Variants in CACNA1E observed in about 807,000 individuals in gnomAD.
The protein encoded by CACNA1E is voltage-dependent R-type calcium channel subunit alpha-1E.
In CACNA1E, 40 loss-of-function variants were observed where a neutral mutation model predicts 259.2. The observed-to-expected ratio is 0.15, with a 90% CI of 0.12 to 0.20. CACNA1E has a LOEUF of 0.20. CACNA1E is among the 10% of genes least tolerant of loss of function. The pLI is 1.00. For missense variants in CACNA1E, 1,874 were observed against 3,040.1 expected, an observed-to-expected ratio of 0.62 and a Z score of 9.02; for synonymous variants, 1,104 against 1,138.5, an observed-to-expected ratio of 0.97 and a Z score of 0.61.
In CACNA1E at chr1:181,772,238, A is replaced by G. The variant is rs1403944885; in HGVS notation, c.5139+7A>G. ...CTTCTTCTGCTCCTTCTTGGTGAGCAACATTGTGCTTTTGCCTTGCTATGT... is the reference window on the plus strand; with the variant it reads ...CTTCTTCTGCTCCTTCTTGGTGAGCGACATTGTGCTTTTGCCTTGCTATGT... On this transcript the variant is annotated splice_region_variant and intron_variant, in intron 37 of 47. Coordinates refer to ENST00000367573, the MANE Select transcript of CACNA1E (RefSeq NM_001205293.3). 1.2e-6 allele frequency: 2 copies of G among 1,611,098 alleles called. No homozygotes were observed. Among genetic ancestry groups the G allele is most frequent in the African/African-American group, 2.7e-5 (2 of 74,846 alleles).
intron 2 of CACNA1E, among the ~76,000 whole-genome samples, chr1:181,429,331 AC>A (rs1204602858): frequency 2.0e-5 from 3 of 152,200 alleles, no homozygotes; most frequent in Non-Finnish European, 2.9e-5. Flanking sequence ...GGCAGCCAGA[AC>A]CATCTAGAAC....
At chr1:181,743,358 C>T (rs573499705) in intron 25 of CACNA1E, among the ~76,000 whole-genome samples, 4 of 152,300 alleles carry the variant, frequency 2.6e-5, no homozygotes, top group South Asian at 2.1e-4. Context: ...GACCAGAAAC[C>T]GCTTTGTCTA....
intron 1 of CACNA1E, among the ~76,000 whole-genome samples, chr1:181,333,500 G>A (rs1334727398): frequency 6.6e-6 from 1 of 152,146 alleles, no homozygotes; most frequent in Non-Finnish European, 1.5e-5. Flanking sequence ...AACTCAATGG[G>A]CATGGATGAG....
intron 2 of CACNA1E, among the ~76,000 whole-genome samples, chr1:181,433,803 G>C (rs1397964358): frequency 6.6e-6 from 1 of 152,166 alleles, no homozygotes; most frequent in Non-Finnish European, 1.5e-5. Flanking sequence ...AACATCATTT[G>C]TAATTGCTAA....
intron 18 of CACNA1E, 59 bp downstream of exon 18, chr1:181,726,221 A>G (rs546314804): frequency 1.6e-5 from 19 of 1,170,004 alleles, no homozygotes; most frequent in African/African-American, 3.0e-5. Context: ...CCAATTCATC[A>G]ACTCACAGAA....
chr1:181,783,782 A>C lies in CACNA1E; in HGVS notation c.5468A>C (p.Lys1823Thr). 1 of 1,497,838 alleles carries C rather than the reference A, an allele frequency of 6.7e-7. No individual in the cohort carries two copies. The highest frequency in any genetic ancestry group is 8.9e-7 in the Non-Finnish European group (1 of 1,121,942). 92.8% of individuals were successfully genotyped at this position (1,497,838 alleles called of 1,614,324 possible). A position where few individuals can be genotyped will look rare whatever the true frequency, so the allele number is the denominator to read the frequency against. Reference sequence around the variant, plus strand: ...ACAGCTCTGGACATTAAAATTGCCAAAGGTAAGCTTAGCTTAGGAAGGGAG... The same window carrying C: ...ACAGCTCTGGACATTAAAATTGCCACAGGTAAGCTTAGCTTAGGAAGGGAG... ...IRTALDIKIA[K>T]GGADRQQLDS... Residue 1823 changes from lysine (K) to threonine (T), a missense_variant and splice_region_variant, in exon 40 of 48, where the codon AAA becomes ACA. Transcript: ENST00000367573.
At chr1:181,704,870 C>G (rs564731720) in intron 7 of CACNA1E, among the ~76,000 whole-genome samples, 26 of 152,192 alleles carry the variant, frequency 1.7e-4, no homozygotes, top group African/African-American at 6.3e-4. Flanking sequence ...CTTTCTTACC[C>G]CAGCCGACCT....
chr1:181,639,092 C>CTT lies in CACNA1E; in HGVS notation c.952-12234_952-12233dup, dbSNP rs869207328. Among the ~76,000 whole-genome samples the CTT allele has an allele frequency of 3.8e-3, 550 of 144,948 alleles. 3 individuals are homozygous for CTT. The highest frequency in any genetic ancestry group is 0.012 in the African/African-American group (464 of 39,784). Reference sequence around the variant, plus strand: ...GTCCAGCTTAGAGTAGAGTAGATGCCTTTTTTTTTTTTTGAGATGGAGTCT... The same window carrying CTT: ...GTCCAGCTTAGAGTAGAGTAGATGCCTTTTTTTTTTTTTTTGAGATGGAGTCT... On this transcript the variant is annotated intron_variant, in intron 6 of 47. Transcript: ENST00000367573.
intron 7 of CACNA1E, among the ~76,000 whole-genome samples, chr1:181,686,275 GTTTTTTT>G (rs66526388): frequency 5.1e-5 from 3 of 58,634 alleles, no homozygotes; most frequent in East Asian, 1.1e-3. Context: ...TAAGAACCAA[GTTTTTTT>G]TTTTTTTTTT....
At position 181,688,614 on chromosome 1, in the gene CACNA1E, C is replaced by T. The variant is rs541449004; in HGVS notation, c.1056-22340C>T. 3.4e-3 allele frequency among the ~76,000 whole-genome samples: 517 copies of T among 152,246 alleles called. 7 individuals are homozygous for T. Among genetic ancestry groups the T allele is most frequent in the Non-Finnish European group, 4.6e-3 (313 of 68,020 alleles). On this transcript the variant is annotated intron_variant, in intron 7 of 47. Coordinates refer to ENST00000367573, the MANE Select transcript of CACNA1E (RefSeq NM_001205293.3). ...TATATTGTGAAATGTTTAAATCAAG[C>T]TAATTAGTCTATCACCTCAAATACT...
At chr1:181,636,343 G>A (rs1657210326) in intron 6 of CACNA1E, among the ~76,000 whole-genome samples, 2 of 152,176 alleles carry the variant, frequency 1.3e-5, no homozygotes, top group South Asian at 2.1e-4. Context: ...TATAGTACTA[G>A]TTTCTGCTTC....
chr1:181,569,195 GC>G (rs1328714003), intron 3 of CACNA1E, among the ~76,000 whole-genome samples: 2 of 152,170 alleles, frequency 1.3e-5, no homozygotes, highest in Non-Finnish European at 2.9e-5. Context: ...CGCAAGGACA[GC>G]CATGATCACC....
At chr1:181,415,554 G>A (rs768570157) in intron 2 of CACNA1E, among the ~76,000 whole-genome samples, 15 of 152,146 alleles carry the variant, frequency 9.9e-5, no homozygotes, top group Non-Finnish European at 1.8e-4. Flanking sequence ...AAGGAAAATG[G>A]TGTGTTCAGA....
chr1:181,326,788 C>G (rs11801025), intron 1 of CACNA1E, among the ~76,000 whole-genome samples: 15,359 of 152,216 alleles, frequency 0.1, 908 homozygotes, highest in East Asian at 0.17. Flanking sequence ...CTTCATTTCC[C>G]AAATCTTGTC....
chr1:181,369,913 A>G (rs1654556222), intron 1 of CACNA1E, among the ~76,000 whole-genome samples: 1 of 152,226 alleles, frequency 6.6e-6, no homozygotes, highest in South Asian at 2.1e-4. Context: ...GTAAATAAGC[A>G]CAGAACCAAA....
At chr1:181,460,688 C>G (rs993763067) in intron 2 of CACNA1E, among the ~76,000 whole-genome samples, 2 of 152,172 alleles carry the variant, frequency 1.3e-5, no homozygotes, top group Non-Finnish European at 2.9e-5. Context: ...CCGCCTTCAT[C>G]TGTTTAATTC....
intron 35 of CACNA1E, among the ~76,000 whole-genome samples, chr1:181,768,277 G>A (rs975906872): frequency 2.6e-5 from 4 of 152,060 alleles, no homozygotes; most frequent in Admixed American, 6.5e-5. Context: ...TGTACAAGAC[G>A]CTGTACTAAA....
At chr1:181,482,583 C>T (rs1281228111), upstream of CACNA1E, among the ~76,000 whole-genome samples, 2 of 152,262 alleles carry the variant, frequency 1.3e-5, no homozygotes, top group Non-Finnish European at 2.9e-5. Flanking sequence ...CAGCTCCTCC[C>T]CCGCTTCTCC....
In CACNA1E at chr1:181,552,883, G is replaced by GTAT. The variant is rs1187590009; in HGVS notation, c.513-24883_513-24882insTAT. On this transcript the variant is annotated intron_variant, in intron 3 of 47. Coordinates refer to ENST00000367573, the MANE Select transcript of CACNA1E (RefSeq NM_001205293.3). ...TATCTGTTTCGATACCCAGTACCAT[G>GTAT]GTGTTTCGGTTACTGTAGCCTTGTA... Among the ~76,000 whole-genome samples, 218 of 152,256 alleles carry GTAT rather than the reference G, an allele frequency of 1.4e-3. 1 individual carries two copies. The highest frequency in any genetic ancestry group is 4.9e-3 in the African/African-American group (205 of 41,532).
Sources: allele counts gnomAD v4.1 joint callset (sites outside exome capture counted in the v4.1 genomes callset), GRCh38; gene constraint gnomAD v4.1.1; transcripts MANE v1.5; gene names NCBI Gene and HGNC (gene_info 2026-07-23, HGNC 2026-07-21).